Variants in ULK4 observed in about 807,000 individuals in gnomAD.
ULK4 encodes unc-51 like kinase 4.
In ULK4, 133 loss-of-function variants were observed where a neutral mutation model predicts 160.6. That is an observed-to-expected ratio of 0.83 (90% confidence interval 0.72 to 0.96). ULK4 has a LOEUF of 0.96. ULK4 is among the 40% of genes least tolerant of loss of function. The pLI, the probability that ULK4 is intolerant of heterozygous loss-of-function variation, is 0.00. For synonymous variants in ULK4, 534 were observed against 539.8 expected, an observed-to-expected ratio of 0.99 and a Z score of 0.15; for missense variants, 1,580 against 1,499.5, an observed-to-expected ratio of 1.05 and a Z score of -0.89.
chr3:41,537,158 A>T (rs1392789861), intron 32 of ULK4, among the ~76,000 whole-genome samples: 1 of 151,150 alleles, frequency 6.6e-6, no homozygotes, highest in African/African-American at 2.4e-5. Context: ...GAATCTGTCC[A>T]CGATTCGTAT....
At chr3:41,560,033 T>C (rs1258156051) in intron 32 of ULK4, among the ~76,000 whole-genome samples, 1 of 152,228 alleles carries the variant, frequency 6.6e-6, no homozygotes, top group African/African-American at 2.4e-5. Context: ...CCATCTTGAA[T>C]TAATTTTTGT....
At chr3:41,710,401 C>G (rs987187476) in intron 25 of ULK4, among the ~76,000 whole-genome samples, 6 of 152,088 alleles carry the variant, frequency 3.9e-5, no homozygotes, top group Non-Finnish European at 7.3e-5. Context: ...TAAGAGAGAC[C>G]TGTCATTTGC....
intron 32 of ULK4, among the ~76,000 whole-genome samples, chr3:41,491,185 A>G (rs918758077): frequency 6.6e-6 from 1 of 152,198 alleles, no homozygotes; most frequent in East Asian, 1.9e-4. Flanking sequence ...ATATTTTTGA[A>G]TAGGAAAGCT....
chr3:41,851,504 T>C (rs1312891277), intron 17 of ULK4, among the ~76,000 whole-genome samples: 4 of 152,212 alleles, frequency 2.6e-5, no homozygotes, highest in Non-Finnish European at 1.5e-5. Flanking sequence ...GATTTTTGCA[T>C]CGATGTTCAT....
chr3:41,933,547 G>A (rs1384449831), intron 4 of ULK4, among the ~76,000 whole-genome samples: 1 of 152,092 alleles, frequency 6.6e-6, no homozygotes, highest in Admixed American at 6.6e-5. Context: ...TAGAACACAA[G>A]TTTAGGTTAC....
intron 35 of ULK4, among the ~76,000 whole-genome samples, chr3:41,281,044 T>C (rs1292113110): frequency 6.6e-6 from 1 of 152,110 alleles, no homozygotes; most frequent in Non-Finnish European, 1.5e-5. Context: ...GCAAATAAAC[T>C]AGAAAATCCT....
chr3:41,427,288 A>G (rs137865991), intron 34 of ULK4, among the ~76,000 whole-genome samples: 76 of 152,356 alleles, frequency 5.0e-4, no homozygotes, highest in Middle Eastern at 3.4e-3. Context: ...ACCAAACAAA[A>G]AAAGCCCAGG....
chr3:41,561,848 GTC>G (rs1216902751), intron 32 of ULK4, among the ~76,000 whole-genome samples: 1 of 151,932 alleles, frequency 6.6e-6, no homozygotes, highest in Non-Finnish European at 1.5e-5. Flanking sequence ...GGTTTTTTGC[GTC>G]TCTGTCTCCT....
intron 34 of ULK4, among the ~76,000 whole-genome samples, chr3:41,443,887 T>C (rs1321050019): frequency 6.6e-6 from 1 of 152,156 alleles, no homozygotes; most frequent in Non-Finnish European, 1.5e-5. Context: ...AAACATGATA[T>C]TGTGAGTAGC....
chr3:41,959,871 T>A (rs988686324), intron 1 of ULK4, among the ~76,000 whole-genome samples: 6 of 152,284 alleles, frequency 3.9e-5, no homozygotes, highest in Admixed American at 1.3e-4. Context: ...TATGTTAAGA[T>A]GGGAAGTTAC....
At chr3:41,463,050 T>A in intron 33 of ULK4, 37 bp downstream of exon 33, 1 of 1,598,166 alleles carries the variant, frequency 6.3e-7, no homozygotes, top group Non-Finnish European at 8.5e-7. Context: ...TGAAATGGAG[T>A]AGGGCTGCTC....
chr3:41,647,555 T>A (rs111799361), intron 30 of ULK4, among the ~76,000 whole-genome samples: 76 of 152,240 alleles, frequency 5.0e-4, no homozygotes, highest in African/African-American at 1.6e-3. Flanking sequence ...CCTCTGGAAG[T>A]TTTGTCTCAG....
At chr3:41,728,952 T>G (rs1372874414) in intron 22 of ULK4, among the ~76,000 whole-genome samples, 1 of 152,150 alleles carries the variant, frequency 6.6e-6, no homozygotes, top group Non-Finnish European at 1.5e-5. Flanking sequence ...TGTCTGATGT[T>G]AAATAAGAAC....
At chr3:41,334,031 G>A (rs909328748) in intron 35 of ULK4, among the ~76,000 whole-genome samples, 1 of 152,228 alleles carries the variant, frequency 6.6e-6, no homozygotes, top group Non-Finnish European at 1.5e-5. Context: ...TCACAGGACA[G>A]GATAACTAAG....
intron 35 of ULK4, among the ~76,000 whole-genome samples, chr3:41,386,622 C>T (rs1461763434): frequency 6.6e-6 from 1 of 152,122 alleles, no homozygotes; most frequent in East Asian, 1.9e-4. Flanking sequence ...AATCTAGAGC[C>T]AAACTTAGTT....
At chr3:41,783,783 T>C (rs1480977240) in intron 21 of ULK4, among the ~76,000 whole-genome samples, 3 of 152,236 alleles carry the variant, frequency 2.0e-5, no homozygotes, top group African/African-American at 7.2e-5. Flanking sequence ...ATTGTAATTA[T>C]AGAAAATTGT....
At chr3:41,594,067 GAGGGAA>G (rs1480670986) in intron 31 of ULK4, among the ~76,000 whole-genome samples, 1 of 151,934 alleles carries the variant, frequency 6.6e-6, no homozygotes, top group Non-Finnish European at 1.5e-5. Context: ...AGAGAGAGGG[GAGGGAA>G]AGGGAAAGGA....
chr3:41,310,466 G>A (rs1399892255), intron 35 of ULK4, among the ~76,000 whole-genome samples: 1 of 152,112 alleles, frequency 6.6e-6, no homozygotes, highest in East Asian at 1.9e-4. Context: ...GGAAGGCAGG[G>A]TGTGGGGAAA....
At chr3:41,635,314 C>T in intron 30 of ULK4, among the ~76,000 whole-genome samples, 1 of 151,042 alleles carries the variant, frequency 6.6e-6, no homozygotes, top group East Asian at 1.9e-4. Flanking sequence ...TTATCATTCA[C>T]ACTAAAGTTT....
Sources: allele counts gnomAD v4.1 joint callset (sites outside exome capture counted in the v4.1 genomes callset), GRCh38; gene constraint gnomAD v4.1.1; transcripts MANE v1.5; gene names NCBI Gene and HGNC (gene_info 2026-07-23, HGNC 2026-07-21).